The following CELF4 variants were observed in gnomAD, a reference collection of about 807,000 sequenced individuals.
The protein encoded by CELF4 is CUG-BP- and ETR-3-like factor 4.
CELF4 carries 18 observed loss-of-function variants against 59.9 expected under a neutral mutation model. The ratio of observed to expected loss-of-function variants is 0.30; its 90% CI spans 0.21 to 0.45. CELF4 has a LOEUF of 0.45. Ranked by LOEUF, CELF4 falls within the 20% of genes least tolerant of loss-of-function variation. The pLI, the probability that CELF4 is intolerant of heterozygous loss-of-function variation, is 1.00. For missense variants in CELF4, 456 were observed against 689.0 expected (o/e 0.66, Z 3.79); for synonymous variants, 261 against 267.1 (o/e 0.98, Z 0.22).
intron 2 of CELF4, among the ~76,000 whole-genome samples, chr18:37,336,971 C>T (rs905069834): frequency 5.9e-5 from 9 of 152,150 alleles, no homozygotes; most frequent in Non-Finnish European, 1.2e-4. Flanking sequence ...CATTTCTTTC[C>T]ATTTCATTGT....
intron 1 of CELF4, among the ~76,000 whole-genome samples, chr18:37,517,779 T>G (rs1280002819): frequency 6.6e-6 from 1 of 152,126 alleles, no homozygotes; most frequent in African/African-American, 2.4e-5. Context: ...GTGCACCTCA[T>G]GGTGACACCT....
intron 2 of CELF4, among the ~76,000 whole-genome samples, chr18:37,390,079 T>C (rs1004403648): frequency 5.5e-4 from 84 of 152,302 alleles, no homozygotes; most frequent in African/African-American, 1.9e-3. Flanking sequence ...CCAGCCCTGT[T>C]GGGATGGCCC....
chr18:37,483,322 C>T (rs949871332), intron 2 of CELF4, among the ~76,000 whole-genome samples: 5 of 152,164 alleles, frequency 3.3e-5, no homozygotes, highest in African/African-American at 7.2e-5. Context: ...AATGTGCCCT[C>T]GGAACTTCGA....
chr18:37,287,460 C>T (rs1333358876), intron 3 of CELF4, among the ~76,000 whole-genome samples: 3 of 152,208 alleles, frequency 2.0e-5, no homozygotes, highest in Non-Finnish European at 4.4e-5. Flanking sequence ...GAACTAATTT[C>T]GGGAGGCGGG....
At chr18:37,296,149 G>A (rs1353394203) in intron 3 of CELF4, among the ~76,000 whole-genome samples, 2 of 152,138 alleles carry the variant, frequency 1.3e-5, no homozygotes, top group Non-Finnish European at 2.9e-5. Flanking sequence ...TATCTTTTTG[G>A]CTTGTTTGTT....
chr18:37,476,702 C>G (rs2099850290), intron 2 of CELF4, among the ~76,000 whole-genome samples: 1 of 152,220 alleles, frequency 6.6e-6, no homozygotes, highest in Non-Finnish European at 1.5e-5. Flanking sequence ...AATCCTAAAA[C>G]ACATCCATCC....
At chr18:37,282,495 T>C (rs1193152771) in intron 3 of CELF4, among the ~76,000 whole-genome samples, 1 of 152,176 alleles carries the variant, frequency 6.6e-6, no homozygotes, top group East Asian at 1.9e-4. Context: ...TGTGCAGTTT[T>C]CAAGGTTGCC....
At chr18:37,338,106 ACTG>A (rs2097845144) in intron 2 of CELF4, among the ~76,000 whole-genome samples, 7 of 97,994 alleles carry the variant, frequency 7.1e-5, no homozygotes, top group Non-Finnish European at 1.0e-4. Flanking sequence ...TGTCACCACT[ACTG>A]TCACTGCCAC....
At chr18:37,411,728 C>G (rs570794465) in intron 2 of CELF4, among the ~76,000 whole-genome samples, 9 of 152,332 alleles carry the variant, frequency 5.9e-5, no homozygotes, top group African/African-American at 1.9e-4. Flanking sequence ...CAGAGATGGG[C>G]AGCTCAGCAG....
intron 1 of CELF4, among the ~76,000 whole-genome samples, chr18:37,494,716 G>A (rs1482925817): frequency 6.6e-6 from 1 of 152,160 alleles, no homozygotes; most frequent in African/African-American, 2.4e-5. Flanking sequence ...CAGAGACTCT[G>A]GTATCCTGAT....
chr18:37,289,239 A>G (rs533773610), intron 3 of CELF4, among the ~76,000 whole-genome samples: 1 of 152,210 alleles, frequency 6.6e-6, no homozygotes, highest in Admixed American at 6.5e-5. Context: ...GCCATGCTGC[A>G]GTGTCCTCAT....
At chr18:37,284,782 A>T (rs1269277881) in intron 3 of CELF4, among the ~76,000 whole-genome samples, 1 of 152,200 alleles carries the variant, frequency 6.6e-6, no homozygotes, top group Non-Finnish European at 1.5e-5. Flanking sequence ...TGAGAGCAGC[A>T]CTTTACAGGT....
In CELF4 at chr18:37,354,196, A is replaced by C. The variant is rs370717529; in HGVS notation, c.370-32315T>G. 5.9e-5 allele frequency among the ~76,000 whole-genome samples: 9 copies of C among 152,196 alleles called. 1 individual carries two copies. Among genetic ancestry groups the C allele is most frequent in the African/African-American group, 2.2e-4 (9 of 41,548 alleles). ...GTTCTAGGGAGTGTGCCAGGAGCTC[A>C]CTTCCCTTCCCAACAGCTGCATGAG... On this transcript the variant is annotated intron_variant, in intron 2 of 12. Coordinates refer to ENST00000420428, the MANE Select transcript of CELF4 (RefSeq NM_020180.4).
chr18:37,497,346 C>A (rs181369006), intron 1 of CELF4, among the ~76,000 whole-genome samples: 6 of 152,306 alleles, frequency 3.9e-5, no homozygotes, highest in Admixed American at 3.9e-4. Flanking sequence ...GAAAGACATA[C>A]CCCCTGCTTT....
intron 3 of CELF4, among the ~76,000 whole-genome samples, chr18:37,299,441 TG>T (rs1215573198): frequency 3.4e-4 from 51 of 152,166 alleles, no homozygotes; most frequent in East Asian, 9.7e-4. Context: ...GGGCCTGGTA[TG>T]GGGGCCGGGC....
intron 1 of CELF4, among the ~76,000 whole-genome samples, chr18:37,550,448 C>T (rs1478358216): frequency 6.6e-6 from 1 of 152,190 alleles, no homozygotes; most frequent in Admixed American, 6.5e-5. Flanking sequence ...CCCAAGGGAG[C>T]ATGAACCAAG....
chr18:37,260,424 A>G (rs1013240515), intron 10 of CELF4, among the ~76,000 whole-genome samples: 5 of 152,222 alleles, frequency 3.3e-5, no homozygotes, highest in African/African-American at 1.2e-4. Flanking sequence ...GGTCATTTCA[A>G]TGATGGTGTC....
rs773159495 is a variant in CELF4, at chr18:37,274,501, C to T, written c.658-47G>A. On this transcript the variant is annotated intron_variant, in intron 5 of 12. Coordinates refer to ENST00000420428, the MANE Select transcript of CELF4 (RefSeq NM_020180.4). ...AGACCCACCTGCTCCAGAGCCTCCG[C>T]CCGCAGCTGTCGGTGCCTCTGGCCT... 9.3e-6 allele frequency: 15 copies of T among 1,608,878 alleles called. No homozygotes were observed. In the South Asian group the frequency reaches 1.2e-4, roughly 13 times the overall value.
chr18:37,452,123 G>A (rs1038925140), intron 2 of CELF4, among the ~76,000 whole-genome samples: 2 of 152,174 alleles, frequency 1.3e-5, no homozygotes, highest in Non-Finnish European at 2.9e-5. Flanking sequence ...GAGCATCTCT[G>A]GTACTCATCT....
Sources: gnomAD v4.1 joint callset for allele counts (sites outside exome capture counted in the v4.1 genomes callset) on GRCh38, gnomAD v4.1.1 for gene constraint, MANE v1.5 for transcripts, NCBI Gene and HGNC (gene_info 2026-07-23, HGNC 2026-07-21) for gene names.